GDE1: variants seen among roughly 807,000 people sequenced by gnomAD.
The protein encoded by GDE1 is RGS16-interacting membrane protein.
In GDE1, 24 loss-of-function variants were observed where a neutral mutation model predicts 32.2. The ratio of observed to expected loss-of-function variants is 0.75; its 90% CI spans 0.54 to 1.05. The LOEUF (loss-of-function observed/expected upper bound fraction) is 1.05. GDE1 is among the 50% of genes least tolerant of loss of function. GDE1 has a pLI of 0.00. For missense variants in GDE1, 380 were observed against 415.0 expected (o/e 0.92, Z 0.73); for synonymous variants, 159 against 158.6 (o/e 1.00, Z -0.02).
intron 1 of GDE1, among the ~76,000 whole-genome samples, chr16:19,519,792 A>T (rs1969426640): frequency 6.6e-6 from 1 of 152,156 alleles, no homozygotes; most frequent in Non-Finnish European, 1.5e-5. Flanking sequence ...GGATCACTTG[A>T]GGTCAGGAGT....
At chr16:19,508,910 A>G (rs1355377537) in intron 3 of GDE1, among the ~76,000 whole-genome samples, 1 of 152,208 alleles carries the variant, frequency 6.6e-6, no homozygotes, top group Non-Finnish European at 1.5e-5. Flanking sequence ...TTAGGTCACT[A>G]TGTTCTACCC....
chr16:19,507,770 C>G lies in GDE1; in HGVS notation c.553G>C (p.Ala185Pro). Reference sequence around the variant, plus strand: ...AATTCCATATACATTTTCTTTAGAGCCTCAGTAGCCTGTAAAATAAAGAGA... The same window carrying G: ...AATTCCATATACATTTTCTTTAGAGGCTCAGTAGCCTGTAAAATAAAGAGA... ...VKGHAHKATE[A>P]LKKMYMEFPQ... Residue 185 changes from alanine to proline, a missense_variant, in exon 4 of 6, where the codon GCT becomes CCT. Physicochemically the swap from Ala to Pro is conservative, Grantham distance 27. Coordinates refer to ENST00000353258, the MANE Select transcript of GDE1 (RefSeq NM_016641.4). 7.0e-7 allele frequency: 1 copy of G among 1,427,442 alleles called. No homozygotes were observed. The highest frequency in any genetic ancestry group is 1.2e-5 in the South Asian group (1 of 84,886). 88.4% of individuals were successfully genotyped at this position (1,427,442 alleles called of 1,614,324 possible).
At chr16:19,515,849 G>A (rs945106417) in intron 2 of GDE1, among the ~76,000 whole-genome samples, 7 of 152,042 alleles carry the variant, frequency 4.6e-5, no homozygotes, top group African/African-American at 1.7e-4. Context: ...GATATTACAT[G>A]AATAACCAGT....
intron 5 of GDE1, 106 bp from the exon 6 acceptor site, chr16:19,503,723 G>T: frequency 1.1e-6 from 1 of 927,762 alleles, no homozygotes; most frequent in Non-Finnish European, 1.7e-6. Context: ...GGTGCCCAGA[G>T]AATGCCTCCT....
intron 1 of GDE1, among the ~76,000 whole-genome samples, chr16:19,520,721 T>C (rs34469516): frequency 8.2e-6 from 1 of 122,632 alleles, no homozygotes; most frequent in East Asian, 3.1e-4. Flanking sequence ...TGAGACTCTG[T>C]AAAGTAAAAA....
At chr16:19,513,350 G>GT (rs1352405625) in intron 2 of GDE1, among the ~76,000 whole-genome samples, 95 of 138,314 alleles carry the variant, frequency 6.9e-4, no homozygotes, top group African/African-American at 2.8e-3. Context: ...TAGGTATTTT[G>GT]TTATTTTTTT....
Position 19,517,086 on chromosome 16 carries a change from C to T in GDE1, c.365G>A (p.Gly122Glu), listed in dbSNP as rs1394173395. 1.2e-6 allele frequency: 2 copies of T among 1,613,922 alleles called. No individual in the cohort carries two copies. The highest frequency in any genetic ancestry group is 1.6e-4 in the Middle Eastern group (1 of 6,084). Residue 122 changes from glycine (G) to glutamate (E), a missense_variant, in exon 2 of 6, where the codon GGG (glycine) becomes GAG (glutamate). Transcript: ENST00000353258. ...TGTCAAATCACACAATCGCCCAGTCCCATCAGTCGTCCTATCTACTGTGTT... is the reference window on the plus strand; with the variant it reads ...TGTCAAATCACACAATCGCCCAGTCTCATCAGTCGTCCTATCTACTGTGTT... ...HDNTVDRTTD[G>E]TGRLCDLTFE...
chr16:19,521,621 G>A (rs1165048175), intron 1 of GDE1, 83 bp downstream of exon 1: 11 of 1,484,694 alleles, frequency 7.4e-6, no homozygotes, highest in Non-Finnish European at 9.1e-6. Context: ...AGGCCGTCCT[G>A]AGAAGATCGG....
chr16:19,505,668 C>A (rs1451934477), intron 4 of GDE1, among the ~76,000 whole-genome samples: 1 of 152,102 alleles, frequency 6.6e-6, no homozygotes, highest in East Asian at 1.9e-4. Context: ...GGGGGAATGT[C>A]TTATACGTTT....
chr16:19,519,974 T>A (rs1969428893), intron 1 of GDE1, among the ~76,000 whole-genome samples: 1 of 152,060 alleles, frequency 6.6e-6, no homozygotes, highest in African/African-American at 2.4e-5. Context: ...ATCGCCCCAC[T>A]GCACTCAAAC....
chr16:19,509,961 T>A (rs1256116077), intron 3 of GDE1, among the ~76,000 whole-genome samples: 2 of 152,048 alleles, frequency 1.3e-5, no homozygotes, highest in African/African-American at 2.4e-5. Flanking sequence ...CATTTTGGGT[T>A]TTAACAACTG....
At chr16:19,506,965 C>T (rs963658342) in intron 4 of GDE1, among the ~76,000 whole-genome samples, 8 of 151,720 alleles carry the variant, frequency 5.3e-5, no homozygotes, top group African/African-American at 1.9e-4. Flanking sequence ...GAGACCCTGT[C>T]TCTACAAAAA....
At chr16:19,516,711 C>G (rs1464718791) in intron 2 of GDE1, among the ~76,000 whole-genome samples, 1 of 152,170 alleles carries the variant, frequency 6.6e-6, no homozygotes, top group Non-Finnish European at 1.5e-5. Context: ...GTATAATTTG[C>G]TTCTTGGTAC....
chr16:19,503,695 T>C, intron 5 of GDE1, 78 bp from the exon 6 acceptor site: 2 of 1,167,348 alleles, frequency 1.7e-6, no homozygotes, highest in Admixed American at 1.8e-5. Flanking sequence ...CTAAGTATGG[T>C]GTTCACTGCA....
chr16:19,516,760 C>T (rs1286665779), intron 2 of GDE1, among the ~76,000 whole-genome samples: 1 of 152,178 alleles, frequency 6.6e-6, no homozygotes, highest in Non-Finnish European at 1.5e-5. Flanking sequence ...TGACTTTCAG[C>T]CTCATGATTC....
Position 19,503,254 on chromosome 16 carries a change from G to C in GDE1, c.*216C>G. On this transcript the variant is annotated 3_prime_UTR_variant, in exon 6 of 6. Coordinates refer to ENST00000353258, the MANE Select transcript of GDE1 (RefSeq NM_016641.4). ...GCTCTTGTGCGTTTTTTCAGACCCA[G>C]ATTTTCAAGAGCAACAGTGTTGAAC... The C allele has an allele frequency of 1.9e-6, 1 of 538,026 alleles. No individual in the cohort carries two copies. The highest frequency in any genetic ancestry group is 3.3e-6 in the Non-Finnish European group (1 of 301,962). 33.3% of individuals were successfully genotyped at this position (538,026 alleles called of 1,614,324 possible).
chr16:19,511,750 T>A (rs577750926), intron 2 of GDE1, among the ~76,000 whole-genome samples: 1 of 152,258 alleles, frequency 6.6e-6, no homozygotes, highest in African/African-American at 2.4e-5. Flanking sequence ...GTAACTATCA[T>A]TCTCCTCTCT....
At chr16:19,505,622 A>G (rs1969236995) in intron 4 of GDE1, among the ~76,000 whole-genome samples, 1 of 152,128 alleles carries the variant, frequency 6.6e-6, no homozygotes, top group South Asian at 2.1e-4. Flanking sequence ...AGAGATGTGG[A>G]TGGAGTTCCT....
intron 5 of GDE1, chr16:19,503,854 G>A (rs763721972): frequency 4.1e-5 from 17 of 410,074 alleles, no homozygotes; most frequent in Non-Finnish European, 7.0e-5. Context: ...ACCCCCAAAT[G>A]TCCTTGGCAC....
Sources: gnomAD v4.1 joint callset for allele counts (sites outside exome capture counted in the v4.1 genomes callset) on GRCh38, gnomAD v4.1.1 for gene constraint, MANE v1.5 for transcripts, NCBI Gene and HGNC (gene_info 2026-07-23, HGNC 2026-07-21) for gene names.